HS3ST5: variants seen among roughly 807,000 people sequenced by gnomAD.
HS3ST5 encodes the protein heparan sulfate-glucosamine 3-sulfotransferase 5, also known as heparan sulfate glucosamine 3-O-sulfotransferase 5.
Under a neutral mutation model 25.4 loss-of-function variants are expected in HS3ST5, and 10 were observed. The observed-to-expected ratio is 0.39, with a 90% CI of 0.24 to 0.67. The LOEUF (loss-of-function observed/expected upper bound fraction) is 0.67. HS3ST5 is among the 30% of genes least tolerant of loss of function. HS3ST5 has a pLI of 0.44. For missense variants in HS3ST5, 324 were observed against 420.7 expected, an observed-to-expected ratio of 0.77 and a Z score of 2.01; for synonymous variants, 170 against 162.4, an observed-to-expected ratio of 1.05 and a Z score of -0.36.
intron 3 of HS3ST5, among the ~76,000 whole-genome samples, chr6:114,070,080 T>C (rs1294246372): frequency 1.3e-5 from 2 of 152,068 alleles, no homozygotes; most frequent in African/African-American, 4.8e-5. Flanking sequence ...ATGCAGTCTT[T>C]TATCCCTCAT....
rs60660289 is a variant in HS3ST5 at position 114,073,543 on chromosome 6, C to T, written c.-32-10666G>A. ...GCCAACAGACATATGAAAAAATGCT[C>T]GTCATCACTGGTTATCAGAGAAATG... On this transcript the variant is annotated intron_variant, in intron 3 of 4. Coordinates refer to ENST00000312719, the MANE Select transcript of HS3ST5 (RefSeq NM_153612.4). Among the ~76,000 whole-genome samples, 245 of 152,270 alleles carry T rather than the reference C, an allele frequency of 1.6e-3. 1 individual carries two copies. The highest frequency in any genetic ancestry group is 5.5e-3 in the African/African-American group (227 of 41,544).
intron 3 of HS3ST5, among the ~76,000 whole-genome samples, chr6:114,119,037 G>A (rs1031265568): frequency 2.0e-5 from 3 of 152,314 alleles, no homozygotes; most frequent in Non-Finnish European, 2.9e-5. Context: ...AGGGTTGTTT[G>A]TAATCAAAGC....
intron 3 of HS3ST5, among the ~76,000 whole-genome samples, chr6:114,072,527 T>C (rs1463105344): frequency 1.3e-5 from 2 of 152,192 alleles, no homozygotes; most frequent in South Asian, 4.1e-4. Flanking sequence ...CATTTTACTA[T>C]TACCTATGGT....
chr6:114,177,247 G>T (rs368141774), intron 2 of HS3ST5, among the ~76,000 whole-genome samples: 103 of 152,262 alleles, frequency 6.8e-4, no homozygotes, highest in African/African-American at 2.3e-3. Context: ...AATTTGTTAG[G>T]AAATAAATGA....
intron 2 of HS3ST5, among the ~76,000 whole-genome samples, chr6:114,222,523 C>G (rs1242355627): frequency 6.6e-6 from 1 of 151,886 alleles, no homozygotes; most frequent in African/African-American, 2.4e-5. Flanking sequence ...CATCAAGCCA[C>G]TATCATTTAT....
intron 3 of HS3ST5, among the ~76,000 whole-genome samples, chr6:114,166,817 C>T (rs564621562): frequency 1.3e-5 from 2 of 152,184 alleles, no homozygotes; most frequent in South Asian, 2.1e-4. Context: ...TGCATTTTAG[C>T]CTCTGAGTCA....
intron 2 of HS3ST5, among the ~76,000 whole-genome samples, chr6:114,190,822 C>G (rs1480209798): frequency 6.6e-6 from 1 of 152,144 alleles, no homozygotes. Flanking sequence ...GTGAAGATAA[C>G]TTTTTGGCAT....
chr6:114,244,758 A>G (rs1470683969), intron 1 of HS3ST5, among the ~76,000 whole-genome samples: 1 of 152,208 alleles, frequency 6.6e-6, no homozygotes, highest in Non-Finnish European at 1.5e-5. Flanking sequence ...TCTATAACTG[A>G]TAAGGAGCTT....
chr6:114,122,090 G>T (rs1776818231), intron 3 of HS3ST5, among the ~76,000 whole-genome samples: 1 of 152,152 alleles, frequency 6.6e-6, no homozygotes, highest in Admixed American at 6.5e-5. Context: ...GGATGAACCT[G>T]TCTTGCATAA....
chr6:114,258,756 C>T (rs992626576), intron 1 of HS3ST5, among the ~76,000 whole-genome samples: 3 of 152,138 alleles, frequency 2.0e-5, no homozygotes, highest in African/African-American at 7.2e-5. Flanking sequence ...CTTTTAACTA[C>T]CTGGAGTCCC....
chr6:114,293,779 G>A (rs1347512356), intron 1 of HS3ST5, among the ~76,000 whole-genome samples: 1 of 152,196 alleles, frequency 6.6e-6, no homozygotes, highest in East Asian at 1.9e-4. Context: ...AAGAGCCTGA[G>A]AAGAAGCAGA....
At chr6:114,188,921 T>C (rs1157419041) in intron 2 of HS3ST5, among the ~76,000 whole-genome samples, 3 of 152,178 alleles carry the variant, frequency 2.0e-5, no homozygotes, top group Admixed American at 1.3e-4. Context: ...TCTGCCTGTT[T>C]CCATTCAAAA....
chr6:114,294,026 G>A (rs771125821), intron 1 of HS3ST5, among the ~76,000 whole-genome samples: 1 of 152,178 alleles, frequency 6.6e-6, no homozygotes, highest in Non-Finnish European at 1.5e-5. Flanking sequence ...TTTAAACTAT[G>A]GAAAGAGCTG....
At chr6:114,239,615 A>G (rs1416697691) in intron 1 of HS3ST5, among the ~76,000 whole-genome samples, 4 of 152,188 alleles carry the variant, frequency 2.6e-5, no homozygotes, top group Admixed American at 1.3e-4. Flanking sequence ...CTGTTTTGCC[A>G]TCTATACTTA....
chr6:114,165,218 G>A (rs1779152859), intron 3 of HS3ST5, among the ~76,000 whole-genome samples: 1 of 152,144 alleles, frequency 6.6e-6, no homozygotes, highest in Non-Finnish European at 1.5e-5. Context: ...CCAATCCTTG[G>A]TTTAGTGATT....
At chr6:114,191,901 G>A (rs183761066) in intron 2 of HS3ST5, among the ~76,000 whole-genome samples, 3 of 152,014 alleles carry the variant, frequency 2.0e-5, no homozygotes, top group East Asian at 1.9e-4. Flanking sequence ...TCCCCAACAC[G>A]GCATTTAAAT....
intron 1 of HS3ST5, among the ~76,000 whole-genome samples, chr6:114,291,210 A>C (rs987006450): frequency 2.0e-5 from 3 of 152,034 alleles, no homozygotes; most frequent in Non-Finnish European, 2.9e-5. Flanking sequence ...TGATTTCAGA[A>C]ATCTTTTCTT....
At chr6:114,214,632 C>CA (rs1409259914) in intron 2 of HS3ST5, among the ~76,000 whole-genome samples, 1 of 152,200 alleles carries the variant, frequency 6.6e-6, no homozygotes, top group African/African-American at 2.4e-5. Flanking sequence ...ACAAAATCTG[C>CA]ATAATTAAAT....
At chr6:114,312,678 AT>A (rs1582808726) in intron 1 of HS3ST5, among the ~76,000 whole-genome samples, 2 of 152,134 alleles carry the variant, frequency 1.3e-5, no homozygotes, top group African/African-American at 4.8e-5. Flanking sequence ...TTAAAGTTGA[AT>A]GATAAAATGA....
Sources: allele counts gnomAD v4.1 joint callset (sites outside exome capture counted in the v4.1 genomes callset), GRCh38; gene constraint gnomAD v4.1.1; transcripts MANE v1.5; gene names NCBI Gene and HGNC (gene_info 2026-07-23, HGNC 2026-07-21).